SEMA5A: variants seen among roughly 807,000 people sequenced by gnomAD.
SEMA5A encodes semaphorin 5A.
A neutral mutation model predicts 135.5 loss-of-function variants in SEMA5A; 55 were observed. That is an observed-to-expected ratio of 0.41 (90% CI 0.33 to 0.51). SEMA5A has a LOEUF of 0.51. Among genes scored for constraint, SEMA5A ranks in the 20% least tolerant of loss-of-function variants. SEMA5A has a pLI of 0.37. For synonymous variants in SEMA5A, 580 were observed against 546.5 expected (o/e 1.06, Z -0.85); for missense variants, 1,290 against 1,419.9 (o/e 0.91, Z 1.47).
chr5:9,352,919 G>A (rs1383795107), intron 3 of SEMA5A, among the ~76,000 whole-genome samples: 2 of 151,654 alleles, frequency 1.3e-5, no homozygotes, highest in Non-Finnish European at 2.9e-5. Context: ...ACCTTTTACA[G>A]AATAAAACTA....
chr5:9,272,649 A>T (rs1407845569), intron 5 of SEMA5A, among the ~76,000 whole-genome samples: 1 of 152,140 alleles, frequency 6.6e-6, no homozygotes, highest in East Asian at 1.9e-4. Flanking sequence ...TGTGGGACAA[A>T]GCTTCCAGAG....
chr5:9,434,187 T>C (rs1057324606), intron 2 of SEMA5A, among the ~76,000 whole-genome samples: 3 of 152,168 alleles, frequency 2.0e-5, no homozygotes, highest in Admixed American at 6.5e-5. Context: ...ACATATACAT[T>C]AAAACAAGGG....
At chr5:9,243,995 T>C (rs1288509340) in intron 5 of SEMA5A, among the ~76,000 whole-genome samples, 2 of 152,196 alleles carry the variant, frequency 1.3e-5, no homozygotes, top group African/African-American at 2.4e-5. Context: ...AAGCCATTGA[T>C]TCCCTTGTCA....
chr5:9,160,326 T>A lies in SEMA5A; in HGVS notation c.1274-5631A>T, dbSNP rs576535441. ...CTCAATGACCCCCTCCCTCTGTACA[T>A]ACAAGGTGGACTCGAGCATCCTTGG... On this transcript the variant is annotated intron_variant, in intron 11 of 22. Coordinates refer to ENST00000382496, the MANE Select transcript of SEMA5A (RefSeq NM_003966.3). 9.2e-5 allele frequency among the ~76,000 whole-genome samples: 14 copies of A among 152,260 alleles called. No homozygotes were observed. In the South Asian group the frequency reaches 2.9e-3, roughly 32 times the overall value.
chr5:9,499,738 C>T (rs1735485406), intron 1 of SEMA5A, among the ~76,000 whole-genome samples: 1 of 152,154 alleles, frequency 6.6e-6, no homozygotes, highest in Non-Finnish European at 1.5e-5. Flanking sequence ...AACCACAACC[C>T]CATCTATACA....
At chr5:9,164,449 G>A (rs1239065719) in intron 11 of SEMA5A, among the ~76,000 whole-genome samples, 2 of 151,306 alleles carry the variant, frequency 1.3e-5, no homozygotes, top group East Asian at 3.9e-4. Flanking sequence ...TAATACGGAA[G>A]CATTATAAAT....
intron 1 of SEMA5A, among the ~76,000 whole-genome samples, chr5:9,470,745 C>A (rs576176939): frequency 6.6e-6 from 1 of 152,294 alleles, no homozygotes; most frequent in East Asian, 1.9e-4. Flanking sequence ...GACAGCCACC[C>A]CAGAAATCAG....
intron 8 of SEMA5A, among the ~76,000 whole-genome samples, chr5:9,212,760 C>T (rs2150390539): frequency 1.3e-5 from 2 of 152,312 alleles, no homozygotes; most frequent in Middle Eastern, 3.4e-3. Flanking sequence ...TAATCCTCAT[C>T]TATGTTTCAG....
chr5:9,455,072 C>T (rs1758779726), intron 1 of SEMA5A, among the ~76,000 whole-genome samples: 1 of 152,024 alleles, frequency 6.6e-6, no homozygotes, highest in South Asian at 2.1e-4. Context: ...ACAAATCAAA[C>T]TCAAGAGTTA....
At chr5:9,043,277 G>A in intron 22 of SEMA5A, 7 of 325,340 alleles carry the variant, frequency 2.2e-5, no homozygotes, top group Non-Finnish European at 2.8e-5. Flanking sequence ...AGAAGCAGGA[G>A]GTAAGAAAAT....
chr5:9,121,716 A>T (rs546681072), intron 14 of SEMA5A, among the ~76,000 whole-genome samples: 1 of 151,488 alleles, frequency 6.6e-6, no homozygotes, highest in Admixed American at 6.6e-5. Context: ...AAAAAACCCT[A>T]ATCTCTGTGG....
At chr5:9,119,861 C>T (rs187313303) in intron 14 of SEMA5A, among the ~76,000 whole-genome samples, 41 of 151,996 alleles carry the variant, frequency 2.7e-4, no homozygotes, top group African/African-American at 9.4e-4. Context: ...TATAACTAAC[C>T]ATGTGTATTT....
chr5:9,071,310 A>C (rs1013824034), intron 16 of SEMA5A, among the ~76,000 whole-genome samples: 3 of 152,054 alleles, frequency 2.0e-5, no homozygotes, highest in Non-Finnish European at 4.4e-5. Flanking sequence ...CTCCATCTTA[A>C]TTGCCTCTTC....
At chr5:9,380,764 T>C (rs1755565337) in intron 2 of SEMA5A, among the ~76,000 whole-genome samples, 1 of 152,182 alleles carries the variant, frequency 6.6e-6, no homozygotes, top group Non-Finnish European at 1.5e-5. Context: ...ATAACTATAA[T>C]CCAAGCTGTT....
At chr5:9,285,570 C>A (rs1302802949) in intron 5 of SEMA5A, among the ~76,000 whole-genome samples, 2 of 152,224 alleles carry the variant, frequency 1.3e-5, no homozygotes, top group African/African-American at 4.8e-5. Flanking sequence ...TCAGAACTAG[C>A]CAGGCTTGGT....
chr5:9,133,106 A>C (rs986615276), intron 13 of SEMA5A, among the ~76,000 whole-genome samples: 13 of 152,234 alleles, frequency 8.5e-5, no homozygotes. Context: ...GTGGCATATC[A>C]GAAATGATTA....
chr5:9,346,395 C>T (rs1286292611), intron 3 of SEMA5A, among the ~76,000 whole-genome samples: 1 of 152,130 alleles, frequency 6.6e-6, no homozygotes, highest in Non-Finnish European at 1.5e-5. Context: ...TTTTCCTGGA[C>T]ACCAGACAAG....
intron 5 of SEMA5A, among the ~76,000 whole-genome samples, chr5:9,311,817 C>T (rs186475477): frequency 3.3e-5 from 5 of 151,846 alleles, no homozygotes; most frequent in African/African-American, 1.2e-4. Flanking sequence ...AATTCTCTAC[C>T]GATATTGATC....
At chr5:9,432,454 T>C (rs931087227) in intron 2 of SEMA5A, among the ~76,000 whole-genome samples, 13 of 152,206 alleles carry the variant, frequency 8.5e-5, no homozygotes, top group African/African-American at 3.1e-4. Flanking sequence ...CAAGCACTTT[T>C]TTTTTCATAT....
Sources: allele counts gnomAD v4.1 joint callset (sites outside exome capture counted in the v4.1 genomes callset), GRCh38; gene constraint gnomAD v4.1.1; transcripts MANE v1.5; gene names NCBI Gene and HGNC (gene_info 2026-07-23, HGNC 2026-07-21).